NLGN1: variants seen among roughly 807,000 people sequenced by gnomAD.
NLGN1 encodes the protein neuroligin 1, also known as neuroligin-1.
NLGN1 carries 12 observed loss-of-function variants against 65.5 expected under a neutral mutation model. The observed-to-expected ratio is 0.18, with a 90% confidence interval of 0.12 to 0.30. The LOEUF (loss-of-function observed/expected upper bound fraction) is 0.30, where lower values mean the gene tolerates loss of function less well. Ranked by LOEUF, NLGN1 falls within the 10% of genes least tolerant of loss-of-function variation. The probability of loss-of-function intolerance (pLI) is 1.00; values close to 1 mark genes in which losing one functional copy is unlikely to be tolerated. For missense variants in NLGN1, 750 were observed against 1,007.1 expected, an observed-to-expected ratio of 0.74 and a Z score of 3.46; for synonymous variants, 350 against 359.5, an observed-to-expected ratio of 0.97 and a Z score of 0.30.
intron 2 of NLGN1, among the ~76,000 whole-genome samples, chr3:173,531,679 T>C (rs1302991274): frequency 1.3e-5 from 2 of 152,124 alleles, no homozygotes; most frequent in African/African-American, 4.8e-5. Context: ...TCATGCTTTA[T>C]ATTCAAAGTT....
At chr3:173,950,605 G>A (rs905290868) in intron 4 of NLGN1, among the ~76,000 whole-genome samples, 11 of 152,038 alleles carry the variant, frequency 7.2e-5, no homozygotes, top group Non-Finnish European at 1.6e-4. Flanking sequence ...CTGAGGTCAG[G>A]AGTTCAAGAA....
chr3:174,226,908 G>A (rs1739820219), intron 4 of NLGN1, among the ~76,000 whole-genome samples: 1 of 152,162 alleles, frequency 6.6e-6, no homozygotes, highest in Non-Finnish European at 1.5e-5. Context: ...CTACAAAGGA[G>A]TACATGTGTT....
At chr3:174,032,415 A>G (rs1381614907) in intron 4 of NLGN1, among the ~76,000 whole-genome samples, 1 of 152,198 alleles carries the variant, frequency 6.6e-6, no homozygotes, top group Admixed American at 6.5e-5. Context: ...GGTGGTATCA[A>G]TGCATAGATA....
chr3:173,491,003 A>G (rs1275291695), intron 2 of NLGN1, among the ~76,000 whole-genome samples: 1 of 151,826 alleles, frequency 6.6e-6, no homozygotes, highest in Non-Finnish European at 1.5e-5. Context: ...GGCTGTGACG[A>G]TGGGGTTTTC....
chr3:173,616,385 C>T (rs773478724), intron 3 of NLGN1, among the ~76,000 whole-genome samples: 2 of 151,970 alleles, frequency 1.3e-5, no homozygotes, highest in Non-Finnish European at 2.9e-5. Flanking sequence ...CGCAAACAAA[C>T]AGAAAAACTT....
chr3:173,560,525 T>C (rs1577277247), intron 2 of NLGN1, among the ~76,000 whole-genome samples: 1 of 28,320 alleles, frequency 3.5e-5, no homozygotes, highest in Admixed American at 3.2e-4. Context: ...AACAGAATGA[T>C]TTTTTTTTTT....
At chr3:174,030,208 C>T (rs1264887860) in intron 4 of NLGN1, among the ~76,000 whole-genome samples, 1 of 151,188 alleles carries the variant, frequency 6.6e-6, no homozygotes, top group Non-Finnish European at 1.5e-5. Flanking sequence ...TCACTGCAAC[C>T]TCCACCTCCG....
intron 2 of NLGN1, among the ~76,000 whole-genome samples, chr3:173,523,626 G>A (rs1735138660): frequency 6.6e-6 from 1 of 151,446 alleles, no homozygotes; most frequent in Admixed American, 6.6e-5. Context: ...GTCCATTTTT[G>A]TACCAATACC....
intron 4 of NLGN1, among the ~76,000 whole-genome samples, chr3:173,990,124 C>A (rs926655893): frequency 6.6e-6 from 1 of 152,166 alleles, no homozygotes; most frequent in Admixed American, 6.5e-5. Flanking sequence ...CAGATATTAT[C>A]ACACCATACT....
chr3:174,070,232 A>C (rs1739519260), intron 4 of NLGN1, among the ~76,000 whole-genome samples: 1 of 151,982 alleles, frequency 6.6e-6, no homozygotes, highest in South Asian at 2.1e-4. Flanking sequence ...CCTACCTCAC[A>C]TTTTTCTATT....
chr3:173,717,847 T>C lies in NLGN1; in HGVS notation c.494-89833T>C, dbSNP rs144669161. Among the ~76,000 whole-genome samples, 368 of 152,212 alleles carry C rather than the reference T, an allele frequency of 2.4e-3. 2 individuals are homozygous for C. The highest frequency in any genetic ancestry group is 8.4e-3 in the African/African-American group (351 of 41,550). ...CCCATAAATATATAAACCTACTATG[T>C]ACCCCCAAAAATTAAAAATAAAATG... On this transcript the variant is annotated intron_variant, in intron 3 of 6. Coordinates refer to ENST00000457714, the Ensembl canonical transcript of NLGN1.
At chr3:173,857,909 T>A (rs1196261627) in intron 4 of NLGN1, among the ~76,000 whole-genome samples, 2 of 145,056 alleles carry the variant, frequency 1.4e-5, no homozygotes, top group Non-Finnish European at 3.0e-5. Context: ...ACATTGAGCA[T>A]CTTCAGGGTG....
intron 4 of NLGN1, among the ~76,000 whole-genome samples, chr3:173,839,896 C>G (rs13073526): frequency 0.11 from 16,114 of 152,122 alleles, 883 homozygotes; most frequent in Middle Eastern, 0.18. Context: ...AAGCCCTATT[C>G]TTATTTTCCC....
chr3:173,891,865 G>C (rs747487686), intron 4 of NLGN1, among the ~76,000 whole-genome samples: 2 of 151,640 alleles, frequency 1.3e-5, no homozygotes, highest in African/African-American at 2.4e-5. Flanking sequence ...AGACAAAATT[G>C]CTTCTAACAC....
chr3:174,091,100 A>G (rs1300409727), intron 4 of NLGN1, among the ~76,000 whole-genome samples: 1 of 152,156 alleles, frequency 6.6e-6, no homozygotes, highest in Non-Finnish European at 1.5e-5. Flanking sequence ...CAGGGCAGTG[A>G]TTGATTTTAG....
chr3:174,027,065 TTA>T (rs1491182991), intron 4 of NLGN1, among the ~76,000 whole-genome samples: 2 of 122,872 alleles, frequency 1.6e-5, no homozygotes. Context: ...TTCAATTTTT[TTA>T]AAAAAAAAAA....
chr3:173,826,079 G>A (rs1215005145), intron 4 of NLGN1, among the ~76,000 whole-genome samples: 2 of 152,014 alleles, frequency 1.3e-5, no homozygotes, highest in Admixed American at 1.3e-4. Flanking sequence ...GTCTGTATGT[G>A]TAGGAGGATG....
intron 2 of NLGN1, among the ~76,000 whole-genome samples, chr3:173,478,520 T>G (rs543001728): frequency 2.6e-5 from 4 of 152,264 alleles, no homozygotes; most frequent in African/African-American, 9.6e-5. Flanking sequence ...GTAACAAACC[T>G]GTACATCCTA....
intron 3 of NLGN1, among the ~76,000 whole-genome samples, chr3:173,643,746 TACTC>T (rs1008296075): frequency 9.9e-5 from 15 of 152,138 alleles, no homozygotes; most frequent in African/African-American, 3.6e-4. Context: ...ACAAGACTCT[TACTC>T]ACTGAAAGAG....
Sources: allele counts gnomAD v4.1 joint callset (sites outside exome capture counted in the v4.1 genomes callset), GRCh38; gene constraint gnomAD v4.1.1; transcripts MANE v1.5; gene names NCBI Gene and HGNC (gene_info 2026-07-23, HGNC 2026-07-21).